Variants in ACSL5 observed in about 807,000 individuals in gnomAD.
The protein encoded by ACSL5 is long-chain-fatty-acid--CoA ligase 5.
ACSL5 carries 50 observed loss-of-function variants against 84.9 expected under a neutral mutation model. The observed-to-expected ratio is 0.59, with a 90% CI of 0.47 to 0.75. The LOEUF (loss-of-function observed/expected upper bound fraction) is 0.75, where lower values mean the gene tolerates loss of function less well. ACSL5 is among the 30% of genes least tolerant of loss of function. The pLI is 0.00. For missense variants in ACSL5, 775 were observed against 830.4 expected (o/e 0.93, Z 0.82); for synonymous variants, 280 against 300.7 (o/e 0.93, Z 0.71).
chr10:112,421,065 T>C (rs1404207017), intron 14 of ACSL5, among the ~76,000 whole-genome samples: 1 of 152,156 alleles, frequency 6.6e-6, no homozygotes, highest in Non-Finnish European at 1.5e-5. Context: ...TTGGTCTATT[T>C]CCAGACCCTT....
intron 1 of ACSL5, among the ~76,000 whole-genome samples, chr10:112,380,774 T>C (rs1425570095): frequency 2.0e-5 from 3 of 152,160 alleles, no homozygotes; most frequent in African/African-American, 7.2e-5. Flanking sequence ...TTTTTTGTTT[T>C]GTTTCTTAAG....
chr10:112,428,294 G>A lies in ACSL5; in HGVS notation c.*936G>A. ...TGATCTCCCCCACCCTTGGATTAGAGTTCCTGCTCTACCTTACCCACAGAT... is the reference window on the plus strand; with the variant it reads ...TGATCTCCCCCACCCTTGGATTAGAATTCCTGCTCTACCTTACCCACAGAT... On this transcript the variant is annotated 3_prime_UTR_variant, in exon 21 of 21. Coordinates refer to ENST00000354655, the MANE Select transcript of ACSL5 (RefSeq NM_203379.2). The A allele has an allele frequency of 5.1e-6, 2 of 393,270 alleles. No homozygotes were observed. Among genetic ancestry groups the A allele is most frequent in the Non-Finnish European group, 9.0e-6 (2 of 222,856 alleles). The allele number at this position is 393,270 out of a possible 1,614,324, so 24.4% of individuals were successfully genotyped here.
At chr10:112,411,280 T>A (rs1844169656) in intron 9 of ACSL5, 176 bp from the exon 10 acceptor site, 10 of 600,918 alleles carry the variant, frequency 1.7e-5, no homozygotes, top group Non-Finnish European at 2.9e-5. Context: ...CAGTAGAATC[T>A]CCGGGGGCAT....
chr10:112,374,297 A>G (rs1849200202), intron 1 of ACSL5, 28 bp downstream of exon 1: 1 of 152,216 alleles, frequency 6.6e-6, no homozygotes, highest in African/African-American at 2.4e-5. Context: ...TACCTGCACT[A>G]TATTGAATAT....
intron 1 of ACSL5, among the ~76,000 whole-genome samples, chr10:112,393,465 C>T (rs962416463): frequency 6.6e-6 from 1 of 152,142 alleles, no homozygotes; most frequent in Non-Finnish European, 1.5e-5. Context: ...ACACAAAATT[C>T]CTGCACCTTG....
At chr10:112,410,330 C>G in intron 7 of ACSL5, 133 bp from the exon 8 acceptor site, 1 of 1,553,358 alleles carries the variant, frequency 6.4e-7, no homozygotes, top group South Asian at 1.2e-5. Context: ...GGCTTCTGGT[C>G]CTGATCCAGG....
chr10:112,409,898 T>C (rs1253885260), intron 7 of ACSL5, among the ~76,000 whole-genome samples: 10 of 152,182 alleles, frequency 6.6e-5, no homozygotes, highest in Non-Finnish European at 1.2e-4. Context: ...GCCAGCTGTA[T>C]GGACTTCTAA....
chr10:112,392,341 T>A, intron 1 of ACSL5, among the ~76,000 whole-genome samples: 1 of 115,470 alleles, frequency 8.7e-6, no homozygotes, highest in African/African-American at 2.6e-5. Flanking sequence ...GTACGGTGGC[T>A]CACACCTGTA....
chr10:112,410,106 A>G, intron 7 of ACSL5: 4 of 687,964 alleles, frequency 5.8e-6, no homozygotes, highest in Non-Finnish European at 7.2e-6. Flanking sequence ...CTTAATTCAT[A>G]TATGTAGATT....
In ACSL5 at chr10:112,411,648, G is replaced by A. The variant is rs1057508561; in HGVS notation, c.870+119G>A. The A allele has an allele frequency of 2.8e-5, 24 of 857,892 alleles. No homozygotes were observed. The Admixed American group carries it at 3.9e-4, about 14-fold the overall frequency. 53.1% of individuals were successfully genotyped at this position (857,892 alleles called of 1,614,324 possible). A position where few individuals can be genotyped will look rare whatever the true frequency, so the allele number is the denominator to read the frequency against. On this transcript the variant is annotated intron_variant, in intron 10 of 20. Transcript: ENST00000354655. ...CACATACACACACACACACACACAC[G>A]TTAAAGGCTGGAGTGTGGACAAACA... is the stretch of plus-strand genomic sequence containing the variant.
rs1333948636 is a variant in ACSL5 at position 112,398,930 on chromosome 10, G to A, written c.186G>A (p.Lys62=). The A allele has an allele frequency of 1.2e-6, 2 of 1,614,128 alleles. No homozygotes were observed. The part of the protein sequence containing the change: ...EGGARKGVSQ[K]NNDLTSCCFS... Reference sequence around the variant, plus strand: ...GAGCACGGAAGGGGGTTTCCCAGAAGAACAATGACCTAACAAGTTGCTGCT... The same window carrying A: ...GAGCACGGAAGGGGGTTTCCCAGAAAAACAATGACCTAACAAGTTGCTGCT... Residue 62 remains lysine, a synonymous_variant, in exon 3 of 21, where the codon AAG becomes AAA. Transcript: ENST00000354655.
rs373391780 is a variant in ACSL5 at position 112,404,685 on chromosome 10, C to T, written c.331-20C>T. The T allele has an allele frequency of 6.2e-7, 1 of 1,609,156 alleles. No individual in the cohort carries two copies. The highest frequency in any genetic ancestry group is 1.3e-5 in the African/African-American group (1 of 74,710). ...TTGACCTCTTCTCTCTCTCTCTCAC[C>T]CCATCTCTCTTTTTTGTAGGTGTCT... On this transcript the variant is annotated intron_variant, in intron 4 of 20. Coordinates refer to ENST00000354655, the MANE Select transcript of ACSL5 (RefSeq NM_203379.2).
Position 112,404,210 on chromosome 10 carries a change from G to A in ACSL5, c.266-301G>A, listed in dbSNP as rs61872358. On this transcript the variant is annotated intron_variant, in intron 3 of 20. Transcript: ENST00000354655. ...GGCTTTCACTTGGTCATGTTTTGTG[G>A]GCTAACCCCATATGGATGGCTTTCT... 3.8e-3 allele frequency among the ~76,000 whole-genome samples: 583 copies of A among 152,238 alleles called. 2 individuals are homozygous for A. The highest frequency in any genetic ancestry group is 6.1e-3 in the Non-Finnish European group (413 of 68,004).
At chr10:112,379,554 A>G in intron 1 of ACSL5, among the ~76,000 whole-genome samples, 1 of 152,186 alleles carries the variant, frequency 6.6e-6, no homozygotes, top group Non-Finnish European at 1.5e-5. Context: ...GGATGTGAAA[A>G]CTGAGGAAAA....
chr10:112,408,796 T>C (rs1844112380), intron 6 of ACSL5: 1 of 325,670 alleles, frequency 3.1e-6, no homozygotes, highest in Non-Finnish European at 5.9e-6. Context: ...CTACTCACTC[T>C]GAACACACTA....
intron 3 of ACSL5, among the ~76,000 whole-genome samples, chr10:112,400,382 A>T (rs1171675306): frequency 9.6e-5 from 13 of 135,024 alleles, no homozygotes; most frequent in South Asian, 2.3e-4. Context: ...CACCTGGCTA[A>T]TTTTTTTTTC....
intron 3 of ACSL5, among the ~76,000 whole-genome samples, chr10:112,401,104 C>T (rs61872357): frequency 0.46 from 70,386 of 151,760 alleles, 16,948 homozygotes; most frequent in South Asian, 0.58. Context: ...TAATCCCAGC[C>T]ACTTGGGAGG....
intron 17 of ACSL5, 84 bp downstream of exon 17, chr10:112,422,525 C>A: frequency 1.5e-6 from 2 of 1,331,346 alleles, no homozygotes; most frequent in Non-Finnish European, 1.1e-6. Context: ...TGCAGAAATG[C>A]AAGTAGGTTA....
intron 1 of ACSL5, among the ~76,000 whole-genome samples, chr10:112,390,329 A>C (rs1051775366): frequency 1.3e-5 from 2 of 152,202 alleles, no homozygotes; most frequent in Non-Finnish European, 2.9e-5. Context: ...ACCCACAATG[A>C]GGTACCATTT....
Sources: gnomAD v4.1 joint callset for allele counts (sites outside exome capture counted in the v4.1 genomes callset) on GRCh38, gnomAD v4.1.1 for gene constraint, MANE v1.5 for transcripts, NCBI Gene and HGNC (gene_info 2026-07-23, HGNC 2026-07-21) for gene names.